Variants in LGI1 observed in about 807,000 individuals in gnomAD.
LGI1 encodes leucine-rich glioma-inactivated protein 1.
Under a neutral mutation model 57.7 loss-of-function variants are expected in LGI1, and 11 were observed. The observed-to-expected ratio is 0.19, with a 90% CI of 0.12 to 0.32. The LOEUF is 0.32. Ranked by LOEUF, LGI1 falls within the 10% of genes least tolerant of loss-of-function variation. The pLI, the probability that LGI1 is intolerant of heterozygous loss-of-function variation, is 1.00. For synonymous variants in LGI1, 222 were observed against 241.9 expected (o/e 0.92, Z 0.76); for missense variants, 422 against 661.9 (o/e 0.64, Z 3.98).
At chr10:93,762,174 C>T (rs546719790) in intron 2 of LGI1, among the ~76,000 whole-genome samples, 1 of 152,226 alleles carries the variant, frequency 6.6e-6, no homozygotes, top group African/African-American at 2.4e-5. Flanking sequence ...CAACACAAAA[C>T]AAAAACACTG....
intron 2 of LGI1, among the ~76,000 whole-genome samples, chr10:93,773,261 T>C (rs1291411761): frequency 6.6e-6 from 1 of 152,144 alleles, no homozygotes; most frequent in Non-Finnish European, 1.5e-5. Flanking sequence ...CCGTATGAGC[T>C]GAGTGGTGTT....
chr10:93,765,918 C>T lies in LGI1; in HGVS notation c.287+7087C>T, dbSNP rs1226363883. 3.4e-5 allele frequency among the ~76,000 whole-genome samples: 5 copies of T among 148,290 alleles called. No homozygotes were observed. In the East Asian group the frequency reaches 6.0e-4, roughly 18 times the overall value. ...CCAGGAGGCGGAGCTTGCAGTGAGC[C>T]GAGATCGCGCCACTGCACTCCAGCC... On this transcript the variant is annotated intron_variant, in intron 2 of 7. Transcript: ENST00000371418.
chr10:93,764,204 G>A (rs1245182253), intron 2 of LGI1: 1 of 152,072 alleles, frequency 6.6e-6, no homozygotes, highest in African/African-American at 2.4e-5. Context: ...TCTTGATATG[G>A]TAAATTATAC....
At chr10:93,778,348 CA>C (rs1382978396) in intron 4 of LGI1, among the ~76,000 whole-genome samples, 3 of 656 alleles carry the variant, frequency 4.6e-3, no homozygotes, top group African/African-American at 0.023. Flanking sequence ...AACACATTCA[CA>C]CACACACACA....
At chr10:93,778,278 C>A (rs1053129497) in intron 4 of LGI1, among the ~76,000 whole-genome samples, 1 of 151,904 alleles carries the variant, frequency 6.6e-6, no homozygotes, top group Non-Finnish European at 1.5e-5. Context: ...GGTTGAGAAA[C>A]CCTGAACAAC....
intron 7 of LGI1, among the ~76,000 whole-genome samples, chr10:93,795,225 C>A (rs1446564278): frequency 2.6e-5 from 4 of 152,140 alleles, no homozygotes; most frequent in Non-Finnish European, 5.9e-5. Context: ...ATGTCTTAGT[C>A]CCTTCCTGCT....
At chr10:93,766,260 T>G (rs2059677047) in intron 2 of LGI1, among the ~76,000 whole-genome samples, 1 of 152,132 alleles carries the variant, frequency 6.6e-6, no homozygotes, top group East Asian at 1.9e-4. Flanking sequence ...GGTGCTTGCA[T>G]GTGTAAAATG....
chr10:93,759,494 A>G (rs944322458), intron 2 of LGI1, among the ~76,000 whole-genome samples: 2 of 152,232 alleles, frequency 1.3e-5, no homozygotes, highest in Non-Finnish European at 2.9e-5. Context: ...ATATTTGACT[A>G]AGAAATCAGA....
intron 4 of LGI1, among the ~76,000 whole-genome samples, chr10:93,781,193 C>A (rs1393613280): frequency 6.6e-6 from 1 of 151,798 alleles, no homozygotes; most frequent in Non-Finnish European, 1.5e-5. Context: ...CCCATCTCTA[C>A]TAAAAAATAC....
intron 2 of LGI1, among the ~76,000 whole-genome samples, chr10:93,766,512 C>CTCTTTTTTTTTTTTTT (rs1554903463): frequency 3.1e-4 from 26 of 84,576 alleles, no homozygotes; most frequent in African/African-American, 1.1e-3. Context: ...TTATAGATCT[C>CTCTTTTTTTTTTTTTT]TTTTTTTTTT....
At chr10:93,792,166 C>T (rs1361442484) in intron 5 of LGI1, 1 of 152,270 alleles carries the variant, frequency 6.6e-6, no homozygotes, top group Non-Finnish European at 1.5e-5. Flanking sequence ...GGTATATACA[C>T]CTATTTTTTT....
chr10:93,794,525 T>C (rs12243032), intron 7 of LGI1: 24,504 of 151,722 alleles, frequency 0.16, 4,811 homozygotes, highest in African/African-American at 0.47. Context: ...CACCACGCCC[T>C]AATAATTTTT....
chr10:93,759,661 T>C (rs1301629745), intron 2 of LGI1, among the ~76,000 whole-genome samples: 2 of 152,234 alleles, frequency 1.3e-5, no homozygotes, highest in Admixed American at 6.5e-5. Context: ...TGGACGGATA[T>C]GGGCAGAATT....
intron 5 of LGI1, chr10:93,790,731 C>CT (rs201857293): frequency 0.022 from 3,387 of 152,474 alleles, 51 homozygotes; most frequent in Non-Finnish European, 0.033. Context: ...ATTTTTGACC[C>CT]TTTTTCAAAC....
At chr10:93,792,424 A>G (rs1564851187) in intron 5 of LGI1, 1 of 282,018 alleles carries the variant, frequency 3.5e-6, no homozygotes, top group Non-Finnish European at 6.7e-6. Flanking sequence ...TACTTTTTTA[A>G]TGTGGCTATA....
At chr10:93,771,910 G>A (rs1019744967) in intron 2 of LGI1, 2 of 151,582 alleles carry the variant, frequency 1.3e-5, no homozygotes, top group African/African-American at 4.9e-5. Context: ...GGGAGGCGGA[G>A]GTGGTGGTGA....
At chr10:93,783,225 A>G (rs1186020523) in intron 4 of LGI1, among the ~76,000 whole-genome samples, 8 of 151,944 alleles carry the variant, frequency 5.3e-5, no homozygotes, top group African/African-American at 1.9e-4. Flanking sequence ...AAATACAAAA[A>G]ATTAGCTGGG....
intron 4 of LGI1, chr10:93,789,548 G>T (rs2059918807): frequency 6.4e-6 from 1 of 157,466 alleles, no homozygotes; most frequent in Admixed American, 6.1e-5. Context: ...TAAATGGAAA[G>T]ATCAATGCCC....
At chr10:93,792,070 T>C (rs1257691763) in intron 5 of LGI1, 1 of 152,598 alleles carries the variant, frequency 6.6e-6, no homozygotes. Flanking sequence ...TAAATTTTAC[T>C]TAATTTTTTA....
Sources: allele counts gnomAD v4.1 joint callset (sites outside exome capture counted in the v4.1 genomes callset), GRCh38; gene constraint gnomAD v4.1.1; transcripts MANE v1.5; gene names NCBI Gene and HGNC (gene_info 2026-07-23, HGNC 2026-07-21).